Variants in UNC13D observed in about 807,000 individuals in gnomAD.
UNC13D encodes the protein unc-13 homolog D.
UNC13D carries 115 observed loss-of-function variants against 151.7 expected under a neutral mutation model. The observed-to-expected ratio is 0.76, with a 90% CI of 0.65 to 0.88. The LOEUF (loss-of-function observed/expected upper bound fraction) is 0.88. UNC13D is among the 40% of genes least tolerant of loss of function. The probability of loss-of-function intolerance (pLI) is 0.00; values close to 1 mark genes in which losing one functional copy is unlikely to be tolerated. For synonymous variants in UNC13D, 588 were observed against 612.2 expected (o/e 0.96, Z 0.58); for missense variants, 1,369 against 1,438.7 (o/e 0.95, Z 0.78).
intron 1 of UNC13D, chr17:75,843,894 A>G: frequency 1.5e-6 from 2 of 1,370,696 alleles, no homozygotes; most frequent in Admixed American, 6.1e-5. Flanking sequence ...TGCTCCCCGA[A>G]CAGCTCACCC....
At position 75,843,500 on chromosome 17, in the gene UNC13D, T is replaced by C. The variant is rs1321057434; in HGVS notation, c.137A>G (p.His46Arg). 6 of 1,610,938 alleles carry C rather than the reference T, an allele frequency of 3.7e-6. No individual in the cohort carries two copies. Among genetic ancestry groups the C allele is most frequent in the Non-Finnish European group, 5.1e-6 (6 of 1,179,266 alleles). The change falls in exon 2 of 32, where the codon CAC (histidine) becomes CGC (arginine). Residue 46 changes from histidine (H) to arginine (R), a missense_variant. Coordinates refer to ENST00000207549, the MANE Select transcript of UNC13D (RefSeq NM_199242.3). ...GACTCTTACCTGCTCGGGGGAGAAG[T>C]GGTGGGATGGAGGCTGGATCTGCAG... ...MAPEIQPPSHHFSPEQRALLY... is the reference protein window; with the variant it reads ...MAPEIQPPSHRFSPEQRALLY...
chr17:75,840,184 G>T lies in UNC13D; in HGVS notation c.858+41C>A, dbSNP rs200368297. 6.2e-7 allele frequency: 1 copy of T among 1,612,108 alleles called. No homozygotes were observed. Among genetic ancestry groups the T allele is most frequent in the African/African-American group, 1.3e-5 (1 of 74,904 alleles). ...CAGCCCCGCAACCCAGCAGACCGCCGCAAGAGCTGGGCATGGCCACTGGCC... is the reference window on the plus strand; with the variant it reads ...CAGCCCCGCAACCCAGCAGACCGCCTCAAGAGCTGGGCATGGCCACTGGCC... On this transcript the variant is annotated intron_variant, in intron 10 of 31. Transcript: ENST00000207549. The surrounding 1 kb of genome is among the most constrained non-coding windows in gnomAD (Gnocchi z 4.6).
intron 12 of UNC13D, among the ~76,000 whole-genome samples, chr17:75,837,880 G>A (rs28757798): frequency 0.041 from 6,243 of 152,200 alleles, 410 homozygotes; most frequent in African/African-American, 0.14. Flanking sequence ...ACGAGGTCCC[G>A]TGGGAGGGCA....
chr17:75,835,171 T>C (rs1243185703), intron 20 of UNC13D, 108 bp from the exon 21 acceptor site: 1 of 1,545,196 alleles, frequency 6.5e-7, no homozygotes, highest in Non-Finnish European at 8.7e-7. Flanking sequence ...GGCAGGGAGC[T>C]TCACAAGAGA....
At position 75,831,078 on chromosome 17, in the gene UNC13D, A is replaced by C; in HGVS notation, c.2625+20T>G. The C allele has an allele frequency of 6.2e-7, 1 of 1,613,634 alleles. No homozygotes were observed. The highest frequency in any genetic ancestry group is 8.5e-7 in the Non-Finnish European group (1 of 1,179,982). On this transcript the variant is annotated intron_variant, in intron 27 of 31. Coordinates refer to ENST00000207549, the MANE Select transcript of UNC13D (RefSeq NM_199242.3). ...AGGCTCCCCAGACTTCCTACGGGGA[A>C]GCTCACCCAAAGCCCCTACCTGGAA...
intron 18 of UNC13D, 29 bp from the exon 19 acceptor site, chr17:75,835,806 C>A (rs2064904304): frequency 6.2e-7 from 1 of 1,613,848 alleles, no homozygotes; most frequent in Admixed American, 1.7e-5. Flanking sequence ...GAGGGCGGGG[C>A]CCACAGCTCT....
intron 19 of UNC13D, 25 bp downstream of exon 19, chr17:75,835,622 C>G (rs749960289): frequency 1.2e-6 from 2 of 1,612,900 alleles, no homozygotes; most frequent in Non-Finnish European, 1.7e-6. Flanking sequence ...CCCCTGCAGC[C>G]GCCCACAATT....
At chr17:75,844,001 G>T in intron 1 of UNC13D, 1 of 1,420,906 alleles carries the variant, frequency 7.0e-7, no homozygotes, top group African/African-American at 1.4e-5. Flanking sequence ...GGTTCTGAGA[G>T]CCTCAGACCA....
chr17:75,844,268 G>A lies in UNC13D; in HGVS notation c.70C>T (p.Arg24Cys), dbSNP rs749234163. The change falls in exon 1 of 32, where the codon CGC becomes TGC. Residue 24 changes from arginine to cysteine, a missense_variant. Physicochemically the swap from Arg to Cys is radical, Grantham distance 180. Transcript: ENST00000207549. ...GGATCCTGTAGATCTCTGACTCTGCGGCGCCTTATCTTGATGGCCTGGCGC... is the reference window on the plus strand; with the variant it reads ...GGATCCTGTAGATCTCTGACTCTGCAGCGCCTTATCTTGATGGCCTGGCGC... ...FLRQAIKIRR[R>C]RVRDLQDPPP... 1.4e-5 allele frequency: 23 copies of A among 1,612,644 alleles called. No homozygotes were observed. In the South Asian group the frequency reaches 1.6e-4, roughly 12 times the overall value.
rs761311095 is a variant in UNC13D at position 75,835,713 on chromosome 17, T to G, written c.1661A>C (p.Glu554Ala). The change falls in exon 19 of 32, where the codon GAG becomes GCG. Residue 554 changes from glutamate (E) to alanine (A), a missense_variant. Glu to Ala is a moderately radical substitution (Grantham distance 107). Transcript: ENST00000207549. ...GCTGATGTAGAGCTGGAACAGACTC[T>G]CGCCCATCTCTGGGGACACTACATC... The part of the protein sequence containing the change: ...VGDVVSPEMG[E>A]SLFQLYISLK... The G allele has an allele frequency of 6.2e-7, 1 of 1,613,594 alleles. No homozygotes were observed. The highest frequency in any genetic ancestry group is 1.1e-5 in the South Asian group (1 of 91,086).
chr17:75,830,122 A>G lies in UNC13D; in HGVS notation c.2860T>C (p.Leu954=). 1 of 1,589,042 alleles carries G rather than the reference A, an allele frequency of 6.3e-7. No individual in the cohort carries two copies. The highest frequency in any genetic ancestry group is 2.3e-5 in the East Asian group (1 of 43,496). The change falls in exon 30 of 32, where the codon TTG becomes CTG. Residue 954 remains leucine, a synonymous_variant. Transcript: ENST00000207549. The stretch of plus-strand genomic sequence containing the variant: ...TCAGGGAACTCATGCCTGGGCTCCA[A>G]GGTCAGCTGGACAAAGGGGTCGCTG... The part of the protein sequence containing the change: ...GSSDPFVQLT[L]EPRHEFPELA...
In UNC13D at chr17:75,828,087, C is replaced by T; in HGVS notation, c.3152-1G>A. On this transcript the variant is annotated splice_acceptor_variant, in intron 31 of 31. Transcript: ENST00000207549. LOFTEE classifies it high-confidence loss of function. ...TCCAGCAGCTGCAGGATTGGGTCCCCTGCGGAGAGAGGGGTTTGGGGGTCA... is the reference window on the plus strand; with the variant it reads ...TCCAGCAGCTGCAGGATTGGGTCCCTTGCGGAGAGAGGGGTTTGGGGGTCA... The T allele has an allele frequency of 3.8e-6, 6 of 1,572,436 alleles. No individual in the cohort carries two copies. Among genetic ancestry groups the T allele is most frequent in the Non-Finnish European group, 5.2e-6 (6 of 1,158,870 alleles).
At chr17:75,835,344 C>A in intron 20 of UNC13D, 65 bp downstream of exon 20, 3 of 1,584,104 alleles carry the variant, frequency 1.9e-6, no homozygotes, top group South Asian at 1.1e-5. Flanking sequence ...CTTTGGAGGT[C>A]CAGGCAGAAC....
chr17:75,839,015 G>C (rs971826601), intron 12 of UNC13D, among the ~76,000 whole-genome samples: 6 of 149,944 alleles, frequency 4.0e-5, no homozygotes, highest in African/African-American at 1.5e-4. Context: ...CAGGAGAATG[G>C]CGTGAACCCA....
At position 75,840,374 on chromosome 17, in the gene UNC13D, G is replaced by C. The variant is rs759478302; in HGVS notation, c.754-45C>G. 1 of 1,610,006 alleles carries C rather than the reference G, an allele frequency of 6.2e-7. No individual in the cohort carries two copies. The highest frequency in any genetic ancestry group is 8.5e-7 in the Non-Finnish European group (1 of 1,177,506). ...AGCCCGTGAGCGTCAGAACCTCATA[G>C]AGTCGGGGCAGCGGAGGCGACAGGA... is the stretch of plus-strand genomic sequence containing the variant. On this transcript the variant is annotated intron_variant, in intron 9 of 31. Coordinates refer to ENST00000207549, the MANE Select transcript of UNC13D (RefSeq NM_199242.3). This position sits in a 1 kb window ranked among gnomAD's most constrained non-coding sequence, Gnocchi z 4.6.
At position 75,827,741 on chromosome 17, in the gene UNC13D, C is replaced by T. The variant is rs954355303; in HGVS notation, c.*224G>A. ...GTGCTGGGATGTGGTAGAGACATTG[C>T]AGCCAGGGCTGGAGGCAGGGAGGCG... is the stretch of plus-strand genomic sequence containing the variant. On this transcript the variant is annotated 3_prime_UTR_variant, in exon 32 of 32. Coordinates refer to ENST00000207549, the MANE Select transcript of UNC13D (RefSeq NM_199242.3). The T allele has an allele frequency of 1.0e-5, 15 of 1,492,740 alleles. No homozygotes were observed. The highest frequency in any genetic ancestry group is 1.3e-5 in the Non-Finnish European group (15 of 1,120,412). 92.5% of individuals were successfully genotyped at this position (1,492,740 alleles called of 1,614,324 possible). A position where few individuals can be genotyped will look rare whatever the true frequency, so the allele number is the denominator to read the frequency against.
At position 75,840,618 on chromosome 17, in the gene UNC13D, CG is replaced by C; in HGVS notation, c.684-43del. 1.9e-6 allele frequency: 3 copies of C among 1,613,580 alleles called. No individual in the cohort carries two copies. Among genetic ancestry groups the C allele is most frequent in the Non-Finnish European group, 2.5e-6 (3 of 1,179,758 alleles). On this transcript the variant is annotated intron_variant, in intron 8 of 31. Coordinates refer to ENST00000207549, the MANE Select transcript of UNC13D (RefSeq NM_199242.3). This position sits in a 1 kb window ranked among gnomAD's most constrained non-coding sequence, Gnocchi z 4.6. The stretch of plus-strand genomic sequence containing the variant: ...CCCATAAGGGGGACGCAGCAAGGGT[CG>C]GAAGGGATTAGGCTGGAATCCACCC...
intron 31 of UNC13D, 113 bp from the exon 32 acceptor site, chr17:75,828,199 T>G: frequency 1.4e-6 from 2 of 1,454,824 alleles, no homozygotes; most frequent in South Asian, 2.6e-5. Context: ...CCCAACAACC[T>G]GGAAGGAAAC....
Position 75,843,472 on chromosome 17 carries a change from T to C in UNC13D, c.153+12A>G. On this transcript the variant is annotated intron_variant, in intron 2 of 31. Transcript: ENST00000207549. ...TCCCCACCTCTCTGCACCCCAGCAC[T>C]CTGACTCTTACCTGCTCGGGGGAGA... 1 of 1,606,692 alleles carries C rather than the reference T, an allele frequency of 6.2e-7. No homozygotes were observed. Among genetic ancestry groups the C allele is most frequent in the Non-Finnish European group, 8.5e-7 (1 of 1,177,376 alleles).
Sources: gnomAD v4.1 joint callset for allele counts (sites outside exome capture counted in the v4.1 genomes callset) on GRCh38, gnomAD v4.1.1 for gene constraint, Gnocchi (gnomAD v3.1) non-coding constraint, MANE v1.5 for transcripts, NCBI Gene and HGNC (gene_info 2026-07-23, HGNC 2026-07-21) for gene names.